MERTK: variants seen among roughly 807,000 people sequenced by gnomAD.
MERTK encodes the protein MER proto-oncogene, tyrosine kinase.
A neutral mutation model predicts 99.3 loss-of-function variants in MERTK; 69 were observed. That is an observed-to-expected ratio of 0.70 (90% CI 0.57 to 0.85). The LOEUF (loss-of-function observed/expected upper bound fraction) is 0.85. Among genes scored for constraint, MERTK ranks in the 40% least tolerant of loss-of-function variants. The probability of loss-of-function intolerance (pLI) is 0.00; values close to 1 mark genes in which losing one functional copy is unlikely to be tolerated. For synonymous variants in MERTK, 426 were observed against 467.6 expected (o/e 0.91, Z 1.15); for missense variants, 1,125 against 1,249.4 (o/e 0.90, Z 1.50).
At chr2:112,012,674 C>T (rs190292168) in intron 15 of MERTK, among the ~76,000 whole-genome samples, 11 of 152,284 alleles carry the variant, frequency 7.2e-5, no homozygotes, top group African/African-American at 2.2e-4. Context: ...CATGGAGAAA[C>T]TAGAGAGAAG....
intron 18 of MERTK, 115 bp downstream of exon 18, chr2:112,022,509 G>T: frequency 6.6e-7 from 1 of 1,505,188 alleles, no homozygotes; most frequent in South Asian, 1.1e-5. Flanking sequence ...TAGCCAGGTG[G>T]GCATGTGCAG....
At chr2:111,937,820 G>A (rs926225228) in intron 2 of MERTK, among the ~76,000 whole-genome samples, 1 of 152,182 alleles carries the variant, frequency 6.6e-6, no homozygotes, top group South Asian at 2.1e-4. Context: ...GGCTTACCCT[G>A]TCGGCACCAT....
chr2:112,009,324 A>G (rs1459256151), intron 14 of MERTK, among the ~76,000 whole-genome samples: 1 of 152,250 alleles, frequency 6.6e-6, no homozygotes, highest in Non-Finnish European at 1.5e-5. Flanking sequence ...CACAGAGTGC[A>G]GGAGCTTTGC....
chr2:111,927,260 T>A (rs1009906335), intron 1 of MERTK, among the ~76,000 whole-genome samples: 1 of 152,188 alleles, frequency 6.6e-6, no homozygotes, highest in African/African-American at 2.4e-5. Flanking sequence ...AGGGAGCAGT[T>A]GCTGGAATGG....
In MERTK at chr2:111,968,251, A is replaced by G; in HGVS notation, c.959A>G (p.Gln320Arg). 1 of 1,610,118 alleles carries G rather than the reference A, an allele frequency of 6.2e-7. No homozygotes were observed. The highest frequency in any genetic ancestry group is 2.2e-5 in the East Asian group (1 of 44,854). Residue 320 changes from glutamine to arginine, a missense_variant and splice_region_variant, in exon 6 of 19, where the codon CAG (glutamine) becomes CGG (arginine). Physicochemically the swap from Gln to Arg is conservative, Grantham distance 43. Transcript: ENST00000295408. ...GYSPFRNCSIQVKEADPLSNG... is the reference protein window; with the variant it reads ...GYSPFRNCSIRVKEADPLSNG... ...TCCCCGTTCAGGAATTGCAGCATTC[A>G]GGTAAAGTTCCAGGGTGAAGAGGGA...
chr2:112,002,934 T>C (rs1021885541), intron 11 of MERTK, among the ~76,000 whole-genome samples, 158 bp from the exon 12 acceptor site: 3 of 152,128 alleles, frequency 2.0e-5, no homozygotes, highest in Non-Finnish European at 4.4e-5. Context: ...GGTTGCACCA[T>C]TGCACTCCAG....
At chr2:111,975,541 CCTGA>C (rs1473142194) in intron 7 of MERTK, 69 bp downstream of exon 7, 8 of 1,522,616 alleles carry the variant, frequency 5.3e-6, no homozygotes, top group African/African-American at 4.1e-5. Flanking sequence ...TTCCCAGTGG[CCTGA>C]CTGAGAGTTG....
chr2:112,004,055 C>T, intron 13 of MERTK, 71 bp downstream of exon 13: 1 of 1,312,020 alleles, frequency 7.6e-7, no homozygotes, highest in Non-Finnish European at 1.1e-6. Flanking sequence ...CTCCATGAGG[C>T]CATATGTCAC....
intron 4 of MERTK, among the ~76,000 whole-genome samples, chr2:111,961,360 A>C (rs1685247689): frequency 6.6e-6 from 1 of 151,652 alleles, no homozygotes; most frequent in Non-Finnish European, 1.5e-5. Flanking sequence ...ACAGCGTTTC[A>C]CAGTGTTATC....
At chr2:112,023,881 C>T (rs1237332457) in intron 18 of MERTK, among the ~76,000 whole-genome samples, 5 of 151,874 alleles carry the variant, frequency 3.3e-5, no homozygotes, top group Non-Finnish European at 7.4e-5. Flanking sequence ...ACAGCACCCT[C>T]CCTACACACA....
intron 3 of MERTK, among the ~76,000 whole-genome samples, chr2:111,945,772 T>C (rs962050226): frequency 6.6e-6 from 1 of 152,242 alleles, no homozygotes; most frequent in Non-Finnish European, 1.5e-5. Flanking sequence ...TGCCTGGTTC[T>C]GCAATGGCAG....
At chr2:111,909,184 A>C (rs913284001) in intron 1 of MERTK, among the ~76,000 whole-genome samples, 20 of 152,122 alleles carry the variant, frequency 1.3e-4, no homozygotes, top group African/African-American at 4.6e-4. Context: ...GATTTAAACT[A>C]TCACAGCCAC....
At chr2:112,021,666 A>G in intron 17 of MERTK, 85 bp downstream of exon 17, 1 of 1,279,502 alleles carries the variant, frequency 7.8e-7, no homozygotes, top group Non-Finnish European at 1.1e-6. Flanking sequence ...GTATGGCAAG[A>G]CATTTTACTC....
At chr2:111,899,855 T>A (rs553507096) in intron 1 of MERTK, among the ~76,000 whole-genome samples, 5 of 151,876 alleles carry the variant, frequency 3.3e-5, no homozygotes, top group Non-Finnish European at 5.9e-5. Flanking sequence ...GACTGATACG[T>A]GGAGGCAAGG....
chr2:111,969,754 C>G lies in MERTK; in HGVS notation c.960+1502C>G, dbSNP rs897011809. Among the ~76,000 whole-genome samples, 5 of 148,220 alleles carry G rather than the reference C, an allele frequency of 3.4e-5. No homozygotes were observed. In the East Asian group the frequency reaches 1.0e-3, roughly 30 times the overall value. The stretch of plus-strand genomic sequence containing the variant: ...TTGCCCAGGCTGGAGTGCAGTGGCG[C>G]GATCTCAGCTCACTGCAAGCTCCAC... On this transcript the variant is annotated intron_variant, in intron 6 of 18. Coordinates refer to ENST00000295408, the MANE Select transcript of MERTK (RefSeq NM_006343.3).
chr2:111,946,850 T>G (rs1382542157), intron 3 of MERTK, among the ~76,000 whole-genome samples: 1 of 152,212 alleles, frequency 6.6e-6, no homozygotes, highest in Non-Finnish European at 1.5e-5. Flanking sequence ...TTATAGCCCC[T>G]TTGGCAAAGC....
chr2:111,899,229 A>C (rs1683990184), intron 1 of MERTK, among the ~76,000 whole-genome samples: 1 of 152,208 alleles, frequency 6.6e-6, no homozygotes, highest in Admixed American at 6.5e-5. Context: ...CGGGGGCCAC[A>C]GATCCGGTCT....
At chr2:111,971,500 C>CGTT (rs201723338) in intron 6 of MERTK, among the ~76,000 whole-genome samples, 2 of 151,710 alleles carry the variant, frequency 1.3e-5, no homozygotes, top group African/African-American at 4.8e-5. Flanking sequence ...ATAAGGTTTT[C>CGTT]GTTGTTGTTG....
At chr2:111,922,601 G>A (rs949960627) in intron 1 of MERTK, among the ~76,000 whole-genome samples, 3 of 152,226 alleles carry the variant, frequency 2.0e-5, no homozygotes, top group African/African-American at 7.2e-5. Context: ...GGGTTCAGAT[G>A]CAAGCCAGTA....
Sources: allele counts gnomAD v4.1 joint callset (sites outside exome capture counted in the v4.1 genomes callset), GRCh38; gene constraint gnomAD v4.1.1; transcripts MANE v1.5; gene names NCBI Gene and HGNC (gene_info 2026-07-23, HGNC 2026-07-21).